INTS12: variants seen among roughly 807,000 people sequenced by gnomAD.
INTS12 encodes integrator complex subunit 12.
A neutral mutation model predicts 41.6 loss-of-function variants in INTS12; 13 were observed. The observed-to-expected ratio is 0.31, with a 90% confidence interval of 0.20 to 0.50. The LOEUF (loss-of-function observed/expected upper bound fraction) is 0.50. INTS12 is among the 20% of genes least tolerant of loss of function. The probability of loss-of-function intolerance (pLI) is 0.98; values close to 1 mark genes in which losing one functional copy is unlikely to be tolerated. For synonymous variants in INTS12, 199 were observed against 191.4 expected (o/e 1.04, Z -0.33); for missense variants, 432 against 541.6 (o/e 0.80, Z 2.01).
intron 6 of INTS12, among the ~76,000 whole-genome samples, chr4:105,688,458 C>A (rs185689590): frequency 7.1e-4 from 108 of 152,256 alleles, no homozygotes; most frequent in Non-Finnish European, 5.9e-5. Flanking sequence ...ATACTACATA[C>A]CTTCCACATC....
At chr4:105,703,849 G>A (rs1232818316) in intron 1 of INTS12, 40 bp from the exon 2 acceptor site, 1 of 152,070 alleles carries the variant, frequency 6.6e-6, no homozygotes, top group Non-Finnish European at 1.5e-5. Context: ...GAATTAAGTC[G>A]ACTTCCTTCC....
Position 105,682,957 on chromosome 4 carries a change from T to G in INTS12, c.1165A>C (p.Ser389Arg), listed in dbSNP as rs950417525. 1 of 1,614,166 alleles carries G rather than the reference T, an allele frequency of 6.2e-7. No individual in the cohort carries two copies. Residue 389 changes from serine to arginine, a missense_variant, in exon 8 of 8, where the codon AGT becomes CGT. Physicochemically the swap from Ser to Arg is moderately radical, Grantham distance 110. Transcript: ENST00000340139. The stretch of plus-strand genomic sequence containing the variant: ...CTTCCTGGAACTAAACTACTTGGAC[T>G]AGGAAGACCTACTTTGCTGACATTG... ...CDNVSKVGLP[S>R]PSSLVPGSSS...
chr4:105,683,212 C>T lies in INTS12; in HGVS notation c.910G>A (p.Gly304Ser), dbSNP rs189499866. 2 of 1,614,024 alleles carry T rather than the reference C, an allele frequency of 1.2e-6. No individual in the cohort carries two copies. Among genetic ancestry groups the T allele is most frequent in the Admixed American group, 3.3e-5 (2 of 59,978 alleles). ...AAFAAKTSSAGPSTAKLSSTT... is the reference protein window; with the variant it reads ...AAFAAKTSSASPSTAKLSSTT... ...GAACTCAATTTTGCTGTTGAAGGAC[C>T]AGCAGAGGAAGTTTTGGCTGCAAAA... The change falls in exon 8 of 8, where the codon GGT (glycine) becomes AGT (serine). Residue 304 changes from glycine to serine, a missense_variant. Coordinates refer to ENST00000340139, the MANE Select transcript of INTS12 (RefSeq NM_020395.4).
In INTS12 at chr4:105,693,451, T is replaced by C; in HGVS notation, c.345A>G (p.Pro115=). The C allele has an allele frequency of 1.2e-6, 2 of 1,613,496 alleles. No individual in the cohort carries two copies. The highest frequency in any genetic ancestry group is 1.7e-6 in the Non-Finnish European group (2 of 1,179,528). The part of the protein sequence containing the change: ...KSDITEGVDI[P]KKPRLEKPET... ...CTGGTTTCTCCAATCTAGGTTTCTT[T>C]GGAATATCAACTCCTTCAGTGATGT... is the stretch of plus-strand genomic sequence containing the variant. The change falls in exon 5 of 8, where the codon CCA becomes CCG. Residue 115 remains proline, a synonymous_variant. Coordinates refer to ENST00000340139, the MANE Select transcript of INTS12 (RefSeq NM_020395.4).
chr4:105,699,743 A>T, intron 3 of INTS12, 107 bp downstream of exon 3: 1 of 808,976 alleles, frequency 1.2e-6, no homozygotes, highest in Non-Finnish European at 1.8e-6. Flanking sequence ...TCATGCTACA[A>T]GGAAAGATTA....
chr4:105,691,631 G>C (rs1012267174), intron 6 of INTS12, among the ~76,000 whole-genome samples: 4 of 152,206 alleles, frequency 2.6e-5, no homozygotes, highest in African/African-American at 4.8e-5. Flanking sequence ...TCTCAACAAA[G>C]AGTGGGGCTT....
At chr4:105,688,958 T>G (rs1034483969) in intron 6 of INTS12, among the ~76,000 whole-genome samples, 2 of 152,238 alleles carry the variant, frequency 1.3e-5, no homozygotes. Flanking sequence ...GGTACTAAAA[T>G]TTTCATTGGA....
At position 105,682,704 on chromosome 4, in the gene INTS12, A is replaced by C. The variant is rs79866548; in HGVS notation, c.*29T>G. The C allele has an allele frequency of 1.6e-5, 24 of 1,523,220 alleles. No individual in the cohort carries two copies. Among genetic ancestry groups the C allele is most frequent in the Non-Finnish European group, 1.8e-6 (2 of 1,099,748 alleles). The allele number at this position is 1,523,220 out of a possible 1,614,324, so 94.4% of individuals were successfully genotyped here. A position where few individuals can be genotyped will look rare whatever the true frequency, so the allele number is the denominator to read the frequency against. On this transcript the variant is annotated 3_prime_UTR_variant, in exon 8 of 8. Transcript: ENST00000340139. ...ATAATAAGCCTTTCATCTTTAGGCTAATATGATACAAAAACCTACTTGGCC... is the reference window on the plus strand; with the variant it reads ...ATAATAAGCCTTTCATCTTTAGGCTCATATGATACAAAAACCTACTTGGCC...
chr4:105,708,602 A>C (rs1732391977), intron 1 of INTS12, 36 bp downstream of exon 1: 1 of 985,006 alleles, frequency 1.0e-6, no homozygotes, highest in African/African-American at 1.8e-5. Flanking sequence ...TCGAGCCTCC[A>C]GGAGGCCAGG....
intron 6 of INTS12, among the ~76,000 whole-genome samples, chr4:105,691,174 T>C (rs942182424): frequency 1.3e-5 from 2 of 152,234 alleles, no homozygotes; most frequent in Admixed American, 1.3e-4. Flanking sequence ...CAAATTTATA[T>C]AGAAATTCAT....
At chr4:105,702,130 CTTTT>C (rs950826694) in intron 2 of INTS12, among the ~76,000 whole-genome samples, 129 of 109,488 alleles carry the variant, frequency 1.2e-3, no homozygotes, top group Middle Eastern at 0.013. Flanking sequence ...ATTTCTATTT[CTTTT>C]TTTTTTTTTT....
chr4:105,701,411 G>A (rs1429449567), intron 2 of INTS12, among the ~76,000 whole-genome samples: 1 of 151,892 alleles, frequency 6.6e-6, no homozygotes, highest in Non-Finnish European at 1.5e-5. Flanking sequence ...GTATTTCTAA[G>A]AATTTAACAA....
chr4:105,686,899 T>A, intron 6 of INTS12, 61 bp from the exon 7 acceptor site: 1 of 1,449,526 alleles, frequency 6.9e-7, no homozygotes, highest in Non-Finnish European at 9.7e-7. Context: ...AGAAAGATAA[T>A]AATCCCTCAC....
At chr4:105,691,953 A>G (rs765833604) in intron 6 of INTS12, 23 bp downstream of exon 6, 1 of 1,490,346 alleles carries the variant, frequency 6.7e-7, no homozygotes, top group African/African-American at 1.4e-5. Flanking sequence ...ACTGTTTAAA[A>G]TAAAGAAAAA....
intron 2 of INTS12, among the ~76,000 whole-genome samples, chr4:105,702,130 C>CTTTTTTTTTTTTTTT (rs950826694): frequency 2.7e-5 from 3 of 109,506 alleles, no homozygotes; most frequent in East Asian, 2.5e-4. Context: ...ATTTCTATTT[C>CTTTTTTTTTTTTTTT]TTTTTTTTTT....
At chr4:105,686,222 G>C (rs986770945) in intron 7 of INTS12, among the ~76,000 whole-genome samples, 1 of 152,030 alleles carries the variant, frequency 6.6e-6, no homozygotes, top group African/African-American at 2.4e-5. Context: ...ACTATGCCTG[G>C]GAATTACAGG....
At position 105,694,333 on chromosome 4, in the gene INTS12, AT is replaced by A. The variant is rs954701207; in HGVS notation, c.310-848del. Among the ~76,000 whole-genome samples, 18 of 150,788 alleles carry A rather than the reference AT, an allele frequency of 1.2e-4. 1 individual carries two copies. The highest frequency in any genetic ancestry group is 3.4e-4 in the African/African-American group (14 of 41,200). On this transcript the variant is annotated intron_variant, in intron 4 of 7. Coordinates refer to ENST00000340139, the MANE Select transcript of INTS12 (RefSeq NM_020395.4). The stretch of plus-strand genomic sequence containing the variant: ...CACACAGTATGATAACATTTACATA[AT>A]TTTTTTTTTAAGACAGAGTCTTGCA...
chr4:105,707,735 G>C (rs955809222), intron 1 of INTS12, among the ~76,000 whole-genome samples: 3 of 152,114 alleles, frequency 2.0e-5, no homozygotes, highest in African/African-American at 7.2e-5. Context: ...AACTTGTTTT[G>C]TTCACTGTTA....
chr4:105,702,252 C>A (rs1338803757), intron 2 of INTS12, among the ~76,000 whole-genome samples: 1 of 150,086 alleles, frequency 6.7e-6, no homozygotes, highest in Non-Finnish European at 1.5e-5. Context: ...TCTCCTGCCT[C>A]AGCCTCCCGA....
Sources: allele counts gnomAD v4.1 joint callset (sites outside exome capture counted in the v4.1 genomes callset), GRCh38; gene constraint gnomAD v4.1.1; transcripts MANE v1.5; gene names NCBI Gene and HGNC (gene_info 2026-07-23, HGNC 2026-07-21).